HIVEP1: variants seen among roughly 807,000 people sequenced by gnomAD.
The protein encoded by HIVEP1 is HIVEP zinc finger 1, also known as zinc finger protein 40.
HIVEP1 carries 36 observed loss-of-function variants against 180.0 expected under a neutral mutation model. The ratio of observed to expected loss-of-function variants is 0.20; its 90% confidence interval spans 0.15 to 0.26. HIVEP1 has a LOEUF of 0.26. Ranked by LOEUF, HIVEP1 falls within the 10% of genes least tolerant of loss-of-function variation. HIVEP1 has a pLI of 1.00. For missense variants in HIVEP1, 3,143 were observed against 3,268.7 expected (o/e 0.96, Z 0.94); for synonymous variants, 1,239 against 1,239.0 (o/e 1.00, Z 0.00).
At chr6:12,084,116 T>C (rs976353001) in intron 2 of HIVEP1, among the ~76,000 whole-genome samples, 2 of 152,164 alleles carry the variant, frequency 1.3e-5, no homozygotes, top group African/African-American at 4.8e-5. Flanking sequence ...AAATTCAGTG[T>C]AATGCTATGG....
chr6:12,168,195 T>TATATATAC (rs372421699), downstream of HIVEP1, among the ~76,000 whole-genome samples: 24,418 of 42,686 alleles, frequency 0.57, 5,948 homozygotes, highest in Non-Finnish European at 0.6. Context: ...GATATACGTG[T>TATATATAC]ATATATACAT....
intron 3 of HIVEP1, among the ~76,000 whole-genome samples, chr6:12,093,281 A>G (rs776241845): frequency 2.0e-5 from 3 of 151,944 alleles, no homozygotes; most frequent in Non-Finnish European, 4.4e-5. Context: ...TTGAATAACT[A>G]TTCATTTTAT....
At chr6:12,078,912 G>T (rs145365199) in intron 2 of HIVEP1, among the ~76,000 whole-genome samples, 16 of 152,086 alleles carry the variant, frequency 1.1e-4, no homozygotes, top group African/African-American at 3.6e-4. Context: ...CAAATTCAGG[G>T]TGTGGATGCA....
upstream of HIVEP1, among the ~76,000 whole-genome samples, chr6:12,009,132 C>T (rs1463685168): frequency 9.6e-5 from 14 of 146,434 alleles, no homozygotes; most frequent in Non-Finnish European, 1.8e-4. Flanking sequence ...GCGGCGGCGG[C>T]GGCGGCGGCG....
chr6:12,041,659 ATTGTTTGT>A (rs146050433), intron 2 of HIVEP1, among the ~76,000 whole-genome samples: 2 of 151,946 alleles, frequency 1.3e-5, no homozygotes, highest in Non-Finnish European at 2.9e-5. Flanking sequence ...GAACAAATTA[ATTGTTTGT>A]TTGTTTGTTT....
rs761859287 is a variant in HIVEP1, at chr6:12,122,634, GAAA to G, written c.2844_2846del (p.Lys950del). On this transcript the variant is annotated inframe_deletion, in exon 4 of 9. Coordinates refer to ENST00000379388, the MANE Select transcript of HIVEP1 (RefSeq NM_002114.4). The stretch of plus-strand genomic sequence containing the variant: ...GGCACTGGCACAAGGCCCACATATA[GAAA>G]AAAAGAAGTCTCATCAAGGGCGAGG... 2 of 1,613,126 alleles carry G rather than the reference GAAA, an allele frequency of 1.2e-6. No homozygotes were observed. Among genetic ancestry groups the G allele is most frequent in the African/African-American group, 1.3e-5 (1 of 74,762 alleles).
At chr6:12,030,669 G>T (rs1228216195) in intron 2 of HIVEP1, among the ~76,000 whole-genome samples, 1 of 152,008 alleles carries the variant, frequency 6.6e-6, no homozygotes, top group Non-Finnish European at 1.5e-5. Context: ...GATTCTATTT[G>T]TTGTTATAAT....
chr6:12,059,739 T>C (rs375883698), intron 2 of HIVEP1, among the ~76,000 whole-genome samples: 5 of 152,280 alleles, frequency 3.3e-5, no homozygotes, highest in African/African-American at 1.2e-4. Flanking sequence ...CCTGGAATAC[T>C]CAGCTGGGAT....
chr6:12,087,968 A>G (rs1180423939), intron 2 of HIVEP1, among the ~76,000 whole-genome samples: 1 of 152,172 alleles, frequency 6.6e-6, no homozygotes, highest in African/African-American at 2.4e-5. Flanking sequence ...AATGTCCTAT[A>G]TTTCAAACTA....
Position 12,135,860 on chromosome 6 carries a change from G to A in HIVEP1, c.6455G>A (p.Gly2152Asp). The A allele has an allele frequency of 6.2e-7, 1 of 1,610,302 alleles. No individual in the cohort carries two copies. The highest frequency in any genetic ancestry group is 1.1e-5 in the South Asian group (1 of 90,976). ...TGTGTGGATTTAGGCGTCTCAGTAG[G>A]TTTAATAGATGAACAGGATACAGAA... ...KKCVDLGVSV[G>D]LIDEQDTEES... Residue 2152 changes from glycine (G) to aspartate (D), a missense_variant, in exon 7 of 9, where the codon GGT becomes GAT. Coordinates refer to ENST00000379388, the MANE Select transcript of HIVEP1 (RefSeq NM_002114.4).
chr6:12,048,769 C>T (rs1409877655), intron 2 of HIVEP1, among the ~76,000 whole-genome samples: 3 of 152,122 alleles, frequency 2.0e-5, no homozygotes, highest in African/African-American at 7.2e-5. Context: ...TTTTGTGACC[C>T]TTTCTTTCCA....
At chr6:12,127,081 G>A (rs1561979702) in intron 4 of HIVEP1, among the ~76,000 whole-genome samples, 1 of 151,956 alleles carries the variant, frequency 6.6e-6, no homozygotes, top group Non-Finnish European at 1.5e-5. Flanking sequence ...AGCTGGTCTT[G>A]AACTCCTGAC....
At chr6:12,049,790 G>A (rs762372658) in intron 2 of HIVEP1, among the ~76,000 whole-genome samples, 15 of 151,906 alleles carry the variant, frequency 9.9e-5, no homozygotes, top group Non-Finnish European at 1.6e-4. Flanking sequence ...CCTTTTTCTC[G>A]TATGCTCTAT....
At chr6:12,022,301 G>T (rs146789248) in intron 2 of HIVEP1, among the ~76,000 whole-genome samples, 1 of 152,116 alleles carries the variant, frequency 6.6e-6, no homozygotes, top group African/African-American at 2.4e-5. Flanking sequence ...CTCCTGAGTA[G>T]CTGGGACTAC....
chr6:12,165,332 C>A (rs1760672554), downstream of HIVEP1, among the ~76,000 whole-genome samples: 1 of 152,134 alleles, frequency 6.6e-6, no homozygotes, highest in South Asian at 2.1e-4. Flanking sequence ...ATGAGTTAAA[C>A]CCCATTGTCC....
chr6:12,164,331 C>T lies in HIVEP1; in HGVS notation c.8027C>T (p.Ser2676Leu). 6.2e-7 allele frequency: 1 copy of T among 1,614,066 alleles called. No homozygotes were observed. Among genetic ancestry groups the T allele is most frequent in the Non-Finnish European group, 8.5e-7 (1 of 1,180,020 alleles). ...KAHSEVFTKP[S>L]GQQTLSPDRQ... Reference sequence around the variant, plus strand: ...CATTCTGAAGTTTTTACAAAGCCCTCAGGCCAGCAGACTCTCTCTCCAGAC... The same window carrying T: ...CATTCTGAAGTTTTTACAAAGCCCTTAGGCCAGCAGACTCTCTCTCCAGAC... Residue 2676 changes from serine (S) to leucine (L), a missense_variant, in exon 9 of 9, where the codon TCA becomes TTA. By Grantham distance (145) the Ser-to-Leu change is moderately radical. Around this residue, in one of 12 missense-constraint regions of HIVEP1, gnomAD observed 595 missense variants for 602.2 expected, o/e 0.99. Transcript: ENST00000379388.
chr6:12,046,845 C>CTGTGTGTG (rs372934680), intron 2 of HIVEP1, among the ~76,000 whole-genome samples: 4,178 of 141,080 alleles, frequency 0.03, 64 homozygotes, highest in Middle Eastern at 0.074. Context: ...TGCCACTACA[C>CTGTGTGTG]TGTGTGTGTG....
upstream of HIVEP1, chr6:12,007,966 T>C (rs1767095602): frequency 6.6e-6 from 1 of 152,180 alleles, no homozygotes; most frequent in Admixed American, 6.5e-5. Flanking sequence ...CACAAGCTTC[T>C]GTTGGTGTAA....
chr6:12,127,713 A>G (rs941544657), intron 4 of HIVEP1, among the ~76,000 whole-genome samples: 1 of 152,236 alleles, frequency 6.6e-6, no homozygotes, highest in Non-Finnish European at 1.5e-5. Flanking sequence ...ATGGTTGAAG[A>G]AAGTCCACAC....
Sources: allele counts gnomAD v4.1 joint callset (sites outside exome capture counted in the v4.1 genomes callset), GRCh38; gene constraint gnomAD v4.1.1; regional missense constraint gnomAD v4.1.1; transcripts MANE v1.5; gene names NCBI Gene and HGNC (gene_info 2026-07-23, HGNC 2026-07-21).